Variants in SNX13 observed in about 807,000 individuals in gnomAD.
The protein encoded by SNX13 is sorting nexin 13.
In SNX13, 45 loss-of-function variants were observed where a neutral mutation model predicts 133.6. That is an observed-to-expected ratio of 0.34 (90% CI 0.27 to 0.43). The LOEUF (loss-of-function observed/expected upper bound fraction) is 0.43, where lower values mean the gene tolerates loss of function less well. Ranked by LOEUF, SNX13 falls within the 20% of genes least tolerant of loss-of-function variation. SNX13 has a pLI of 1.00. For synonymous variants in SNX13, 414 were observed against 373.9 expected (o/e 1.11, Z -1.24); for missense variants, 1,032 against 1,145.1 (o/e 0.90, Z 1.43).
intron 5 of SNX13, among the ~76,000 whole-genome samples, chr7:17,877,619 C>T (rs1794871540): frequency 6.6e-6 from 1 of 151,964 alleles, no homozygotes; most frequent in African/African-American, 2.4e-5. Flanking sequence ...TTTACTGAAA[C>T]TTTCAAACAA....
intron 4 of SNX13, 47 bp downstream of exon 4, chr7:17,891,499 C>A: frequency 1.4e-6 from 2 of 1,393,090 alleles, no homozygotes; most frequent in Non-Finnish European, 1.0e-6. Context: ...AAGAAATATA[C>A]CTAGAACACA....
At chr7:17,937,170 A>C (rs185693021) in intron 1 of SNX13, among the ~76,000 whole-genome samples, 1 of 152,080 alleles carries the variant, frequency 6.6e-6, no homozygotes, top group East Asian at 1.9e-4. Flanking sequence ...TGAAGCCAAA[A>C]AGTTTACATC....
chr7:17,902,240 T>A (rs953843861), intron 1 of SNX13, among the ~76,000 whole-genome samples: 6 of 102,004 alleles, frequency 5.9e-5, no homozygotes, highest in Non-Finnish European at 9.9e-5. Context: ...ATTACTGTCA[T>A]GGTTTTTTTT....
At chr7:17,799,804 G>C (rs1034989865) in intron 22 of SNX13, among the ~76,000 whole-genome samples, 15 of 151,674 alleles carry the variant, frequency 9.9e-5, no homozygotes, top group African/African-American at 3.6e-4. Context: ...AAGACGATCG[G>C]AATGCTTTGA....
chr7:17,914,290 T>C (rs1799312726), intron 1 of SNX13, among the ~76,000 whole-genome samples: 1 of 151,910 alleles, frequency 6.6e-6, no homozygotes, highest in African/African-American at 2.4e-5. Flanking sequence ...AAGATGAAAG[T>C]AAGCAACTTG....
intron 20 of SNX13, among the ~76,000 whole-genome samples, chr7:17,804,721 T>C (rs1027494787): frequency 1.3e-5 from 2 of 149,238 alleles, no homozygotes; most frequent in African/African-American, 4.9e-5. Flanking sequence ...CATACAAAAC[T>C]ACAGAAATGT....
chr7:17,838,981 A>G (rs573867384), intron 13 of SNX13, among the ~76,000 whole-genome samples: 100 of 150,286 alleles, frequency 6.7e-4, no homozygotes, highest in African/African-American at 2.3e-3. Flanking sequence ...TATTATATAT[A>G]TAACAATATA....
intron 1 of SNX13, chr7:17,900,359 A>C (rs1216461279): frequency 6.6e-6 from 1 of 152,278 alleles, no homozygotes; most frequent in African/African-American, 2.4e-5. Context: ...TACAATCTAC[A>C]GGCAGTGAAG....
chr7:17,901,800 T>A (rs1027122647), intron 1 of SNX13, among the ~76,000 whole-genome samples: 1 of 152,204 alleles, frequency 6.6e-6, no homozygotes, highest in Non-Finnish European at 1.5e-5. Flanking sequence ...TTGGTTCTTA[T>A]GAAGGTGCTT....
At chr7:17,872,390 T>C (rs544822578) in intron 8 of SNX13, among the ~76,000 whole-genome samples, 9 of 152,140 alleles carry the variant, frequency 5.9e-5, no homozygotes, top group Non-Finnish European at 1.2e-4. Context: ...GCTGGAGTAA[T>C]ATATAAACAG....
chr7:17,798,932 T>G, intron 23 of SNX13, 77 bp downstream of exon 23: 1 of 1,509,994 alleles, frequency 6.6e-7, no homozygotes, highest in Non-Finnish European at 8.9e-7. Flanking sequence ...CTACAAAGGT[T>G]GAGCAATCTA....
At chr7:17,818,520 T>A (rs532358282) in intron 18 of SNX13, among the ~76,000 whole-genome samples, 3 of 152,248 alleles carry the variant, frequency 2.0e-5, no homozygotes, top group Admixed American at 2.0e-4. Flanking sequence ...TATTAACTCA[T>A]CATAAACTTG....
intron 9 of SNX13, among the ~76,000 whole-genome samples, chr7:17,863,861 C>A (rs1793043416): frequency 6.6e-6 from 1 of 152,200 alleles, no homozygotes; most frequent in Non-Finnish European, 1.5e-5. Context: ...GAGGGAAGAG[C>A]ATGAAAGACT....
intron 9 of SNX13, among the ~76,000 whole-genome samples, chr7:17,856,585 A>C (rs967528664): frequency 6.6e-6 from 1 of 151,970 alleles, no homozygotes; most frequent in Admixed American, 6.6e-5. Context: ...TTGAGCCAGA[A>C]GTTTAAGACC....
At chr7:17,856,834 A>G (rs1324741287) in intron 9 of SNX13, among the ~76,000 whole-genome samples, 2 of 151,066 alleles carry the variant, frequency 1.3e-5, no homozygotes, top group African/African-American at 4.9e-5. Flanking sequence ...AAAGAAAAAG[A>G]AAAAGAAAAT....
chr7:17,827,733 C>T (rs2128307079), intron 16 of SNX13, among the ~76,000 whole-genome samples: 1 of 151,818 alleles, frequency 6.6e-6, no homozygotes, highest in Non-Finnish European at 1.5e-5. Context: ...ACCTGCTCTA[C>T]ATCTCTGTCA....
intron 1 of SNX13, among the ~76,000 whole-genome samples, chr7:17,920,539 T>A (rs1022394960): frequency 1.3e-5 from 2 of 152,212 alleles, no homozygotes; most frequent in African/African-American, 4.8e-5. Flanking sequence ...GATGCTCTTA[T>A]ATTTCAAAGT....
At chr7:17,838,054 T>G (rs1341642184) in intron 13 of SNX13, among the ~76,000 whole-genome samples, 1 of 151,934 alleles carries the variant, frequency 6.6e-6, no homozygotes, top group African/African-American at 2.4e-5. Flanking sequence ...CCATTTTCAT[T>G]CAAAAAGTAT....
At chr7:17,835,035 TCTCTTCCTCATGTA>T (rs1788977434) in intron 13 of SNX13, among the ~76,000 whole-genome samples, 170 bp from the exon 14 acceptor site, 1 of 151,862 alleles carries the variant, frequency 6.6e-6, no homozygotes, top group South Asian at 2.1e-4. Flanking sequence ...ACTAAACCCT[TCTCTTCCTCATGTA>T]CTCTTCCTCA....
Sources: gnomAD v4.1 joint callset for allele counts (sites outside exome capture counted in the v4.1 genomes callset) on GRCh38, gnomAD v4.1.1 for gene constraint, MANE v1.5 for transcripts, NCBI Gene and HGNC (gene_info 2026-07-23, HGNC 2026-07-21) for gene names.